LRRC37A2: variants seen among roughly 807,000 people sequenced by gnomAD.
LRRC37A2 encodes the protein leucine rich repeat containing 37 member A2, also known as leucine-rich repeat-containing protein 37A2.
LRRC37A2 carries 9 observed loss-of-function variants against 68.8 expected under a neutral mutation model. The observed-to-expected ratio is 0.13, with a 90% CI of 0.08 to 0.23. The LOEUF is 0.23. LRRC37A2 is among the 10% of genes least tolerant of loss of function. The probability of loss-of-function intolerance (pLI) is 1.00; values close to 1 mark genes in which losing one functional copy is unlikely to be tolerated. For missense variants in LRRC37A2, 168 were observed against 950.4 expected (o/e 0.18, Z 10.82); for synonymous variants, 63 against 367.6 (o/e 0.17, Z 9.48).
At chr17:46,541,937 C>T (rs1466674924) in intron 8 of LRRC37A2, among the ~76,000 whole-genome samples, 8 of 144,078 alleles carry the variant, frequency 5.6e-5, no homozygotes, top group African/African-American at 2.2e-4. Context: ...AGTAGTATTC[C>T]GGTTGTGTGG....
chr17:46,790,195 C>T, the LRRC37A2 span, among the ~76,000 whole-genome samples: 1 of 152,172 alleles, frequency 6.6e-6, no homozygotes, highest in East Asian at 1.9e-4. Flanking sequence ...CTTGCTTTAG[C>T]TCTGTCCTCT....
At chr17:46,989,554 G>C in the LRRC37A2 span, among the ~76,000 whole-genome samples, 1 of 152,198 alleles carries the variant, frequency 6.6e-6, no homozygotes, top group Non-Finnish European at 1.5e-5. Context: ...TTAGCTCAGG[G>C]ACAGGGATGT....
the LRRC37A2 span, among the ~76,000 whole-genome samples, chr17:46,992,752 C>G: frequency 2.7e-5 from 4 of 145,524 alleles, no homozygotes; most frequent in Admixed American, 7.2e-5. Flanking sequence ...ACTTAGGAGG[C>G]TGAGGCAGGA....
chr17:46,572,905 A>G, the LRRC37A2 span, among the ~76,000 whole-genome samples: 1 of 65,678 alleles, frequency 1.5e-5, no homozygotes, highest in Non-Finnish European at 3.3e-5. Flanking sequence ...GAAAAGAGGA[A>G]GAGAGAGACA....
At chr17:46,940,217 AT>A in the LRRC37A2 span, 1 of 1,416,494 alleles carries the variant, frequency 7.1e-7, no homozygotes, top group Non-Finnish European at 9.2e-7. Context: ...ATTGTCATAG[AT>A]TAACTGAGTT....
At chr17:46,485,990 A>C in the LRRC37A2 span, among the ~76,000 whole-genome samples, 8 of 79,724 alleles carry the variant, frequency 1.0e-4, 2 homozygotes, top group African/African-American at 2.2e-4. Context: ...AAAAAAAAAA[A>C]AAAAAAACAG....
At chr17:46,732,887 A>G in the LRRC37A2 span, among the ~76,000 whole-genome samples, 1 of 152,230 alleles carries the variant, frequency 6.6e-6, no homozygotes, top group South Asian at 2.1e-4. Context: ...GCAGCAGCTA[A>G]GAAAGCTCCC....
chr17:46,814,090 C>T, the LRRC37A2 span, among the ~76,000 whole-genome samples: 1 of 152,172 alleles, frequency 6.6e-6, no homozygotes, highest in African/African-American at 2.4e-5. Context: ...CCCACCAGGC[C>T]AGGATTAATT....
At chr17:46,818,574 C>T in the LRRC37A2 span, 7 of 1,605,492 alleles carry the variant, frequency 4.4e-6, no homozygotes, top group Non-Finnish European at 5.9e-6. Context: ...GGCCGAGGAG[C>T]AGCCCGAGCA....
At chr17:46,786,496 T>C in the LRRC37A2 span, among the ~76,000 whole-genome samples, 2 of 152,286 alleles carry the variant, frequency 1.3e-5, no homozygotes, top group East Asian at 3.9e-4. Context: ...CCCCAGAGCG[T>C]CTCCCTGAGA....
chr17:46,759,733 CCCTA>C, the LRRC37A2 span, among the ~76,000 whole-genome samples: 3 of 152,114 alleles, frequency 2.0e-5, no homozygotes, highest in African/African-American at 7.2e-5. Context: ...TTTTCTTTTT[CCCTA>C]CCTTCTTTCC....
chr17:46,501,831 T>C, the LRRC37A2 span, among the ~76,000 whole-genome samples: 1 of 151,300 alleles, frequency 6.6e-6, no homozygotes, highest in Non-Finnish European at 1.5e-5. Context: ...CCATTTCTCA[T>C]TGAATTAACC....
chr17:46,830,117 T>C, the LRRC37A2 span, among the ~76,000 whole-genome samples: 2 of 152,070 alleles, frequency 1.3e-5, no homozygotes, highest in Non-Finnish European at 1.5e-5. Context: ...CTCTCTTGCT[T>C]TTCTCAGACT....
the LRRC37A2 span, among the ~76,000 whole-genome samples, chr17:46,820,282 C>G: frequency 6.6e-6 from 1 of 152,248 alleles, no homozygotes; most frequent in Admixed American, 6.5e-5. Flanking sequence ...CTTGTCATGG[C>G]TCCTGCTGCG....
chr17:47,013,619 A>G, the LRRC37A2 span, among the ~76,000 whole-genome samples: 2 of 152,166 alleles, frequency 1.3e-5, no homozygotes, highest in Non-Finnish European at 2.9e-5. Flanking sequence ...TAATCATCAC[A>G]TCTTATTTTC....
the LRRC37A2 span, chr17:46,762,877 T>C: frequency 1.3e-5 from 2 of 152,222 alleles, no homozygotes; most frequent in African/African-American, 4.8e-5. Flanking sequence ...ATAGAATACA[T>C]AGATATGAAA....
At chr17:46,950,153 C>T in the LRRC37A2 span, among the ~76,000 whole-genome samples, 2 of 152,204 alleles carry the variant, frequency 1.3e-5, no homozygotes, top group Non-Finnish European at 2.9e-5. Flanking sequence ...GTTGCCTTTC[C>T]AGTATTTTTC....
the LRRC37A2 span, among the ~76,000 whole-genome samples, chr17:46,730,385 C>G: frequency 6.6e-6 from 1 of 152,240 alleles, no homozygotes; most frequent in East Asian, 1.9e-4. Context: ...CTATCTTATA[C>G]TTCTTGTTCT....
the LRRC37A2 span, among the ~76,000 whole-genome samples, chr17:46,889,981 AG>A: frequency 2.0e-5 from 3 of 152,242 alleles, no homozygotes; most frequent in African/African-American, 7.2e-5. Flanking sequence ...GCTCTAAACA[AG>A]CATTCTCTGC....
Sources: gnomAD v4.1 joint callset for allele counts (sites outside exome capture counted in the v4.1 genomes callset) on GRCh38, gnomAD v4.1.1 for gene constraint, MANE v1.5 for transcripts, NCBI Gene and HGNC (gene_info 2026-07-23, HGNC 2026-07-21) for gene names.